The following THSD7B variants were observed in gnomAD, a reference collection of about 807,000 sequenced individuals.
THSD7B encodes thrombospondin type-1 domain-containing protein 7B.
In THSD7B, 138 loss-of-function variants were observed where a neutral mutation model predicts 213.6. That is an observed-to-expected ratio of 0.65 (90% confidence interval 0.56 to 0.74). THSD7B has a LOEUF of 0.74. Ranked by LOEUF, THSD7B falls within the 30% of genes least tolerant of loss-of-function variation. The pLI is 0.00. For missense variants in THSD7B, 1,931 were observed against 1,991.5 expected (o/e 0.97, Z 0.58); for synonymous variants, 742 against 687.0 (o/e 1.08, Z -1.25).
At chr2:137,397,359 G>A (rs202070308) in intron 12 of THSD7B, among the ~76,000 whole-genome samples, 54,125 of 151,414 alleles carry the variant, frequency 0.36, 10,434 homozygotes, top group African/African-American at 0.5. Context: ...GGGCAGGCCT[G>A]GTGGTGACAA....
At chr2:137,552,331 C>A (rs767320614) in intron 15 of THSD7B, among the ~76,000 whole-genome samples, 1 of 152,116 alleles carries the variant, frequency 6.6e-6, no homozygotes, top group Non-Finnish European at 1.5e-5. Flanking sequence ...TGTTCAGTAT[C>A]TCTTGGAGGA....
At chr2:136,850,677 G>A (rs1031430836) in intron 1 of THSD7B, among the ~76,000 whole-genome samples, 2 of 151,532 alleles carry the variant, frequency 1.3e-5, no homozygotes, top group Admixed American at 6.6e-5. Context: ...TTGTTGCTTG[G>A]CAATGAATAC....
intron 2 of THSD7B, among the ~76,000 whole-genome samples, chr2:136,900,683 C>T (rs781542579): frequency 1.3e-5 from 2 of 152,166 alleles, no homozygotes; most frequent in Non-Finnish European, 2.9e-5. Flanking sequence ...ACATACCACT[C>T]ACTTTCATTT....
At chr2:137,511,670 G>A (rs528135896) in intron 15 of THSD7B, among the ~76,000 whole-genome samples, 1 of 152,248 alleles carries the variant, frequency 6.6e-6, no homozygotes, top group Admixed American at 6.5e-5. Flanking sequence ...CATGCAGTAA[G>A]GCTTCCATCC....
intron 17 of THSD7B, among the ~76,000 whole-genome samples, chr2:137,599,770 C>G (rs1160875545): frequency 6.6e-6 from 1 of 152,114 alleles, no homozygotes; most frequent in African/African-American, 2.4e-5. Flanking sequence ...ATTTTGAATG[C>G]CTTTATAAAG....
intron 11 of THSD7B, among the ~76,000 whole-genome samples, chr2:137,274,257 A>C (rs918563726): frequency 2.0e-5 from 3 of 152,084 alleles, no homozygotes; most frequent in Admixed American, 6.6e-5. Flanking sequence ...TATGTTAGGG[A>C]GGAAGTTGTC....
At chr2:137,663,277 T>C in intron 25 of THSD7B, 106 bp from the exon 26 acceptor site, 1 of 944,228 alleles carries the variant, frequency 1.1e-6, no homozygotes. Context: ...AAACCCTACA[T>C]TGCCATGATG....
At chr2:137,135,954 A>G (rs1679448456) in intron 5 of THSD7B, among the ~76,000 whole-genome samples, 1 of 130,132 alleles carries the variant, frequency 7.7e-6, no homozygotes, top group Non-Finnish European at 1.7e-5. Flanking sequence ...CATATACTCC[A>G]TGGAATATTA....
At position 137,242,547 on chromosome 2, in the gene THSD7B, A is replaced by C; in HGVS notation, c.2241A>C (p.Thr747=). The C allele has an allele frequency of 6.2e-7, 1 of 1,613,768 alleles. No homozygotes were observed. Among genetic ancestry groups the C allele is most frequent in the Non-Finnish European group, 8.5e-7 (1 of 1,179,772 alleles). The change falls in exon 10 of 28, where the codon ACA becomes ACC. Residue 747 remains threonine (T), a synonymous_variant. Transcript: ENST00000409968. ...DCIVTAFSEW[T]PCPRMCQAGN... ...TTGTGACTGCTTTCAGTGAGTGGACACCCTGCCCAAGGATGTGCCAAGCAG... is the reference window on the plus strand; with the variant it reads ...TTGTGACTGCTTTCAGTGAGTGGACCCCCTGCCCAAGGATGTGCCAAGCAG...
At chr2:137,572,805 A>G (rs1681383545) in intron 17 of THSD7B, among the ~76,000 whole-genome samples, 1 of 152,218 alleles carries the variant, frequency 6.6e-6, no homozygotes, top group Non-Finnish European at 1.5e-5. Context: ...AAATGAGCCT[A>G]TAATGATCAC....
intron 2 of THSD7B, among the ~76,000 whole-genome samples, chr2:137,053,980 A>G (rs567169957): frequency 2.0e-5 from 3 of 152,146 alleles, no homozygotes; most frequent in Non-Finnish European, 4.4e-5. Context: ...ATTTATATGA[A>G]TGGTCTGACA....
chr2:137,369,909 CA>C (rs1390792040), intron 12 of THSD7B, among the ~76,000 whole-genome samples: 2 of 152,088 alleles, frequency 1.3e-5, no homozygotes, highest in Admixed American at 6.6e-5. Flanking sequence ...GAGCTTCTGG[CA>C]CATAGTAAGC....
chr2:137,112,853 G>A (rs1688373392), intron 4 of THSD7B, among the ~76,000 whole-genome samples: 1 of 151,928 alleles, frequency 6.6e-6, no homozygotes, highest in Admixed American at 6.6e-5. Flanking sequence ...GAAAGGGAAT[G>A]GACACTTATT....
At chr2:137,210,067 C>G (rs1303267892) in intron 7 of THSD7B, among the ~76,000 whole-genome samples, 2 of 152,036 alleles carry the variant, frequency 1.3e-5, no homozygotes, top group African/African-American at 4.8e-5. Context: ...TAGGAGAGAC[C>G]AACCCTGTGA....
chr2:137,156,453 A>G (rs573725895), intron 5 of THSD7B, among the ~76,000 whole-genome samples: 88 of 152,274 alleles, frequency 5.8e-4, no homozygotes, highest in Admixed American at 5.8e-3. Flanking sequence ...CCAATATGTC[A>G]CTTAATAGTC....
At chr2:137,485,599 C>T (rs902893712) in intron 15 of THSD7B, among the ~76,000 whole-genome samples, 10 of 152,198 alleles carry the variant, frequency 6.6e-5, no homozygotes, top group East Asian at 5.8e-4. Flanking sequence ...GGAGAACTTC[C>T]CCAATCTAGC....
intron 12 of THSD7B, among the ~76,000 whole-genome samples, chr2:137,317,153 A>G (rs1684130263): frequency 1.3e-5 from 2 of 151,952 alleles, no homozygotes; most frequent in African/African-American, 4.8e-5. Flanking sequence ...CTGTTCTTTT[A>G]TCTTTGTTCA....
At chr2:137,358,149 C>A (rs1041458386) in intron 12 of THSD7B, among the ~76,000 whole-genome samples, 1 of 152,176 alleles carries the variant, frequency 6.6e-6, no homozygotes, top group Non-Finnish European at 1.5e-5. Flanking sequence ...ATAAGATGAG[C>A]TTCTTTTGCA....
chr2:137,552,738 C>A lies in THSD7B; in HGVS notation c.3139-10483C>A, dbSNP rs1680874722. 1.3e-5 allele frequency among the ~76,000 whole-genome samples: 2 copies of A among 152,178 alleles called. 1 individual carries two copies. The highest frequency in any genetic ancestry group is 3.9e-4 in the East Asian group (2 of 5,184). On this transcript the variant is annotated intron_variant, in intron 15 of 27. Coordinates refer to ENST00000409968, the MANE Select transcript of THSD7B (RefSeq NM_001316349.2). The stretch of plus-strand genomic sequence containing the variant: ...GTTGATAAAAATGGAAGCACAACTT[C>A]TTTGTGTAAGTGTGATCCTTTCCAG...
Sources: allele counts gnomAD v4.1 joint callset (sites outside exome capture counted in the v4.1 genomes callset), GRCh38; gene constraint gnomAD v4.1.1; transcripts MANE v1.5; gene names NCBI Gene and HGNC (gene_info 2026-07-23, HGNC 2026-07-21).